Variants in GPR137C observed in about 807,000 individuals in gnomAD.
The protein encoded by GPR137C is G protein-coupled receptor 137C, also known as integral membrane protein GPR137C.
GPR137C carries 27 observed loss-of-function variants against 43.4 expected under a neutral mutation model. That is an observed-to-expected ratio of 0.62 (90% confidence interval 0.46 to 0.86). The LOEUF (loss-of-function observed/expected upper bound fraction) is 0.86. GPR137C is among the 40% of genes least tolerant of loss of function. The probability of loss-of-function intolerance (pLI) is 0.00; values close to 1 mark genes in which losing one functional copy is unlikely to be tolerated. For synonymous variants in GPR137C, 285 were observed against 226.9 expected (o/e 1.26, Z -2.30); for missense variants, 522 against 534.6 (o/e 0.98, Z 0.23).
intron 1 of GPR137C, 65 bp downstream of exon 1, chr14:52,553,656 G>A (rs1377900451): frequency 2.2e-6 from 2 of 895,532 alleles, no homozygotes; most frequent in East Asian, 6.0e-5. Context: ...ATCAACTCCC[G>A]CTGAGGACCA....
In GPR137C at chr14:52,596,446, G is replaced by A. The variant is rs115433851; in HGVS notation, c.445-1826G>A. Reference sequence around the variant, plus strand: ...CCACAGAGGTGGCGTCTAGCGAGGCGGTAGGCCTTGCTGAGCTGCGGTGGG... The same window carrying A: ...CCACAGAGGTGGCGTCTAGCGAGGCAGTAGGCCTTGCTGAGCTGCGGTGGG... On this transcript the variant is annotated intron_variant, in intron 1 of 6. Coordinates refer to ENST00000321662, the MANE Select transcript of GPR137C (RefSeq NM_001099652.2). 6.2e-3 allele frequency among the ~76,000 whole-genome samples: 950 copies of A among 152,346 alleles called. 13 individuals are homozygous for A. Among genetic ancestry groups the A allele is most frequent in the African/African-American group, 0.02 (840 of 41,592 alleles).
At chr14:52,627,821 C>T (rs190564845) in intron 3 of GPR137C, among the ~76,000 whole-genome samples, 311 of 151,806 alleles carry the variant, frequency 2.0e-3, no homozygotes, top group Middle Eastern at 6.8e-3. Flanking sequence ...TCCAGCCTGG[C>T]GACAGAGCAA....
intron 1 of GPR137C, among the ~76,000 whole-genome samples, chr14:52,580,207 A>C (rs781079538): frequency 5.3e-5 from 8 of 152,196 alleles, no homozygotes; most frequent in Admixed American, 2.6e-4. Context: ...GTTTTAGTAG[A>C]ATTTCAAGTT....
At chr14:52,571,212 T>G (rs554766235) in intron 1 of GPR137C, among the ~76,000 whole-genome samples, 18 of 152,294 alleles carry the variant, frequency 1.2e-4, no homozygotes, top group African/African-American at 4.3e-4. Flanking sequence ...ACATGAAAAC[T>G]GAACAACCTG....
intron 1 of GPR137C, among the ~76,000 whole-genome samples, chr14:52,581,504 C>A (rs1479654562): frequency 6.6e-6 from 1 of 151,746 alleles, no homozygotes; most frequent in Non-Finnish European, 1.5e-5. Context: ...CCACTGCACT[C>A]CAGCCTGGGC....
At chr14:52,592,949 A>G (rs898964477) in intron 1 of GPR137C, among the ~76,000 whole-genome samples, 1 of 152,186 alleles carries the variant, frequency 6.6e-6, no homozygotes. Context: ...CCCATTCAGT[A>G]TGATACTGGC....
intron 3 of GPR137C, among the ~76,000 whole-genome samples, chr14:52,620,531 G>A (rs1295613180): frequency 6.6e-6 from 1 of 151,640 alleles, no homozygotes; most frequent in Non-Finnish European, 1.5e-5. Context: ...CCAGGTCAAG[G>A]TTACAAATAT....
At chr14:52,564,367 A>G (rs1422502284) in intron 1 of GPR137C, among the ~76,000 whole-genome samples, 1 of 151,722 alleles carries the variant, frequency 6.6e-6, no homozygotes, top group Non-Finnish European at 1.5e-5. Context: ...ACTACAAGTC[A>G]CTTCATGGTT....
chr14:52,626,671 TAAG>T (rs769562303), intron 3 of GPR137C, among the ~76,000 whole-genome samples: 12 of 152,152 alleles, frequency 7.9e-5, no homozygotes, highest in Non-Finnish European at 1.6e-4. Context: ...CAATGGGAAT[TAAG>T]AAGTAAAACT....
chr14:52,610,991 T>A (rs1435857257), intron 3 of GPR137C, among the ~76,000 whole-genome samples: 1 of 152,194 alleles, frequency 6.6e-6, no homozygotes, highest in Non-Finnish European at 1.5e-5. Flanking sequence ...TGTTTGCTTA[T>A]TAATAACATT....
intron 1 of GPR137C, among the ~76,000 whole-genome samples, chr14:52,569,833 T>C (rs150451450): frequency 6.6e-6 from 1 of 151,812 alleles, no homozygotes; most frequent in Non-Finnish European, 1.5e-5. Flanking sequence ...TGCCTGAAAG[T>C]GAAGGGGAGA....
intron 2 of GPR137C, among the ~76,000 whole-genome samples, chr14:52,599,586 G>A (rs867134446): frequency 6.6e-6 from 1 of 151,790 alleles, no homozygotes. Flanking sequence ...GGCGTGTGCC[G>A]CCATACCCAG....
Position 52,571,599 on chromosome 14 carries a change from G to A in GPR137C, c.444+18008G>A, listed in dbSNP as rs1389661934. Among the ~76,000 whole-genome samples the A allele has an allele frequency of 7.2e-5, 11 of 152,022 alleles. 1 individual carries two copies. Among genetic ancestry groups the A allele is most frequent in the South Asian group, 2.1e-4 (1 of 4,814 alleles). ...TGAGGCAGGAGAATCACTTGAACCCGGGAGGTGGAGGTTGCAGTGAGCCAA... is the reference window on the plus strand; with the variant it reads ...TGAGGCAGGAGAATCACTTGAACCCAGGAGGTGGAGGTTGCAGTGAGCCAA... On this transcript the variant is annotated intron_variant, in intron 1 of 6. Transcript: ENST00000321662.
At chr14:52,579,287 G>T (rs571232540) in intron 1 of GPR137C, among the ~76,000 whole-genome samples, 1 of 152,238 alleles carries the variant, frequency 6.6e-6, no homozygotes, top group East Asian at 1.9e-4. Flanking sequence ...TAGACCAAAG[G>T]CTTTTTGGTG....
Position 52,553,255 on chromosome 14 carries a change from C to A in GPR137C, c.108C>A (p.Ala36=). The A allele has an allele frequency of 7.2e-7, 1 of 1,386,378 alleles. No homozygotes were observed. 85.9% of individuals were successfully genotyped at this position (1,386,378 alleles called of 1,614,324 possible). Residue 36 remains alanine (A), a synonymous_variant, in exon 1 of 7, where the codon GCC becomes GCA. Coordinates refer to ENST00000321662, the MANE Select transcript of GPR137C (RefSeq NM_001099652.2). ...GSGGGGAVAA[A]SGAAVPGSVQ... ...GAGGCGGAGGCGCCGTCGCTGCAGC[C>A]TCAGGCGCCGCGGTGCCGGGCTCCG...
chr14:52,567,378 C>T (rs2038387123), intron 1 of GPR137C, among the ~76,000 whole-genome samples: 1 of 152,150 alleles, frequency 6.6e-6, no homozygotes, highest in Non-Finnish European at 1.5e-5. Context: ...TTTTCCTCTG[C>T]CACCTTTCTT....
intron 1 of GPR137C, among the ~76,000 whole-genome samples, chr14:52,562,221 C>G (rs1054160006): frequency 9.2e-5 from 14 of 152,108 alleles, no homozygotes; most frequent in African/African-American, 3.1e-4. Context: ...TTTATCAGCT[C>G]TATGTAACTT....
intron 3 of GPR137C, among the ~76,000 whole-genome samples, chr14:52,621,335 G>T (rs2039158574): frequency 6.6e-6 from 1 of 151,532 alleles, no homozygotes; most frequent in Non-Finnish European, 1.5e-5. Flanking sequence ...AAAGAACAGT[G>T]GAGAAATAAA....
At chr14:52,625,123 A>G (rs2039207126) in intron 3 of GPR137C, among the ~76,000 whole-genome samples, 1 of 152,204 alleles carries the variant, frequency 6.6e-6, no homozygotes, top group Non-Finnish European at 1.5e-5. Flanking sequence ...GCTCCAGATG[A>G]TTTCACTGGT....
Sources: gnomAD v4.1 joint callset for allele counts (sites outside exome capture counted in the v4.1 genomes callset) on GRCh38, gnomAD v4.1.1 for gene constraint, MANE v1.5 for transcripts, NCBI Gene and HGNC (gene_info 2026-07-23, HGNC 2026-07-21) for gene names.